DKK2: variants seen among roughly 807,000 people sequenced by gnomAD.
DKK2 encodes the protein dickkopf Wnt signaling pathway inhibitor 2.
A neutral mutation model predicts 28.1 loss-of-function variants in DKK2; 11 were observed. The observed-to-expected ratio is 0.39, with a 90% CI of 0.25 to 0.65. The LOEUF (loss-of-function observed/expected upper bound fraction) is 0.65. DKK2 is among the 30% of genes least tolerant of loss of function. The pLI is 0.47. For missense variants in DKK2, 326 were observed against 335.5 expected, an observed-to-expected ratio of 0.97 and a Z score of 0.22; for synonymous variants, 135 against 126.5, an observed-to-expected ratio of 1.07 and a Z score of -0.45.
At chr4:106,954,314 A>G (rs1722553432) in intron 1 of DKK2, among the ~76,000 whole-genome samples, 1 of 152,098 alleles carries the variant, frequency 6.6e-6, no homozygotes, top group Non-Finnish European at 1.5e-5. Flanking sequence ...TTCTTGCTTC[A>G]GGTTCATTTT....
At chr4:106,962,898 C>T (rs1722713483) in intron 1 of DKK2, among the ~76,000 whole-genome samples, 1 of 151,684 alleles carries the variant, frequency 6.6e-6, no homozygotes, top group Non-Finnish European at 1.5e-5. Flanking sequence ...GGAACTCAAA[C>T]AACTCAATAG....
intron 1 of DKK2, among the ~76,000 whole-genome samples, chr4:107,028,452 GT>G (rs1187056909): frequency 1.3e-5 from 2 of 152,042 alleles, no homozygotes; most frequent in South Asian, 2.1e-4. Flanking sequence ...ATTCTTCAGA[GT>G]TTTTTTCATA....
intron 1 of DKK2, among the ~76,000 whole-genome samples, chr4:106,943,448 A>G (rs1451696676): frequency 6.6e-6 from 1 of 152,138 alleles, no homozygotes; most frequent in Non-Finnish European, 1.5e-5. Flanking sequence ...TTAAGAACCC[A>G]TCAGGAAATG....
chr4:106,982,542 A>G (rs1270466370), intron 1 of DKK2, among the ~76,000 whole-genome samples: 1 of 152,214 alleles, frequency 6.6e-6, no homozygotes, highest in South Asian at 2.1e-4. Context: ...TAATGTGACA[A>G]TCATGAAAGT....
At chr4:107,032,439 T>C (rs1723888648) in intron 1 of DKK2, among the ~76,000 whole-genome samples, 1 of 152,134 alleles carries the variant, frequency 6.6e-6, no homozygotes, top group Non-Finnish European at 1.5e-5. Context: ...TTTATCTTTA[T>C]ATGAAATCAG....
chr4:107,000,696 A>G (rs1723346931), intron 1 of DKK2, among the ~76,000 whole-genome samples: 1 of 152,234 alleles, frequency 6.6e-6, no homozygotes, highest in African/African-American at 2.4e-5. Context: ...ACAAAAAAGA[A>G]CAAATACCTA....
chr4:106,926,011 T>C (rs1724419828), intron 1 of DKK2, 62 bp from the exon 2 acceptor site: 2 of 1,482,200 alleles, frequency 1.3e-6, no homozygotes, highest in East Asian at 2.3e-5. Context: ...TTATGAAACA[T>C]TACTATAGCA....
chr4:106,950,534 C>A (rs1437882957), intron 1 of DKK2, among the ~76,000 whole-genome samples: 1 of 152,094 alleles, frequency 6.6e-6, no homozygotes, highest in East Asian at 1.9e-4. Context: ...TCAGCGTGAA[C>A]ACCCAAGCCC....
chr4:107,010,038 TCA>T (rs1723494643), intron 1 of DKK2, among the ~76,000 whole-genome samples: 1 of 151,804 alleles, frequency 6.6e-6, no homozygotes, highest in Middle Eastern at 3.2e-3. Context: ...AAGTTTACCA[TCA>T]CTTCATAGCC....
intron 1 of DKK2, among the ~76,000 whole-genome samples, chr4:107,031,054 T>C (rs1355036057): frequency 6.6e-6 from 1 of 152,022 alleles, no homozygotes; most frequent in Non-Finnish European, 1.5e-5. Context: ...CATATTAGAT[T>C]ATCATTAAAA....
chr4:106,950,939 G>A (rs975754256), intron 1 of DKK2, among the ~76,000 whole-genome samples: 3 of 151,836 alleles, frequency 2.0e-5, no homozygotes, highest in South Asian at 2.1e-4. Context: ...TACCAGCCCC[G>A]CAAGTCTACC....
intron 1 of DKK2, among the ~76,000 whole-genome samples, chr4:106,938,840 A>C (rs1724644134): frequency 6.6e-6 from 1 of 151,466 alleles, no homozygotes; most frequent in Admixed American, 6.6e-5. Flanking sequence ...CCAGCATATA[A>C]ACAGAGCCAA....
At chr4:106,944,214 AT>A (rs1560577043) in intron 1 of DKK2, among the ~76,000 whole-genome samples, 1 of 152,086 alleles carries the variant, frequency 6.6e-6, no homozygotes, top group Admixed American at 6.6e-5. Context: ...ATTTTTCCAA[AT>A]GCTTGCCTCA....
intron 1 of DKK2, among the ~76,000 whole-genome samples, chr4:107,017,271 A>C (rs1170523350): frequency 2.6e-5 from 4 of 152,022 alleles, no homozygotes; most frequent in African/African-American, 9.7e-5. Flanking sequence ...ATTAATGGCA[A>C]AGGTTGAAGT....
chr4:107,029,782 T>C (rs1474929964), intron 1 of DKK2, among the ~76,000 whole-genome samples: 1 of 152,156 alleles, frequency 6.6e-6, no homozygotes, highest in African/African-American at 2.4e-5. Flanking sequence ...TGCTCATTGA[T>C]TTTTTAAAAT....
intron 1 of DKK2, among the ~76,000 whole-genome samples, chr4:107,015,768 A>G (rs1015840613): frequency 2.6e-5 from 4 of 151,724 alleles, no homozygotes; most frequent in Non-Finnish European, 5.9e-5. Flanking sequence ...CCACAGTGTC[A>G]GTTAAATAAC....
In DKK2 at chr4:107,028,268, T is replaced by C. The variant is rs184502741; in HGVS notation, c.222+7102A>G. The stretch of plus-strand genomic sequence containing the variant: ...TTTATAATTCTTACTCTCAGAGTAA[T>C]TGAGTTCATTTGTTTCCTTCTTGTA... On this transcript the variant is annotated intron_variant, in intron 1 of 3. Transcript: ENST00000285311. Among the ~76,000 whole-genome samples, 480 of 152,338 alleles carry C rather than the reference T, an allele frequency of 3.2e-3. 2 individuals carry two copies. Among genetic ancestry groups the C allele is most frequent in the Admixed American group, 8.9e-3 (136 of 15,300 alleles).
chr4:107,033,476 G>T (rs930921395), intron 1 of DKK2, among the ~76,000 whole-genome samples: 3 of 152,134 alleles, frequency 2.0e-5, no homozygotes, highest in Non-Finnish European at 4.4e-5. Context: ...TAAAGAAGAA[G>T]CTAGGTTCTG....
At chr4:107,024,016 C>G (rs568583383) in intron 1 of DKK2, among the ~76,000 whole-genome samples, 5 of 152,198 alleles carry the variant, frequency 3.3e-5, no homozygotes, top group African/African-American at 1.2e-4. Context: ...TCACTTTCTT[C>G]TTTAAAAAGT....
Sources: gnomAD v4.1 joint callset for allele counts (sites outside exome capture counted in the v4.1 genomes callset) on GRCh38, gnomAD v4.1.1 for gene constraint, MANE v1.5 for transcripts, NCBI Gene and HGNC (gene_info 2026-07-23, HGNC 2026-07-21) for gene names.